The following DCUN1D2 variants were observed in gnomAD, a reference collection of about 807,000 sequenced individuals.
DCUN1D2 encodes the protein DCN1-like protein 2.
DCUN1D2 carries 29 observed loss-of-function variants against 30.9 expected under a neutral mutation model. The ratio of observed to expected loss-of-function variants is 0.94; its 90% CI spans 0.70 to 1.28. The LOEUF (loss-of-function observed/expected upper bound fraction) is 1.28. Among genes scored for constraint, DCUN1D2 ranks in the 50% most tolerant of loss-of-function variants. The probability of loss-of-function intolerance (pLI) is 0.00; values close to 1 mark genes in which losing one functional copy is unlikely to be tolerated. For synonymous variants in DCUN1D2, 121 were observed against 115.3 expected (o/e 1.05, Z -0.32); for missense variants, 325 against 316.9 (o/e 1.03, Z -0.19).
Position 113,484,038 on chromosome 13 carries a change from G to C in DCUN1D2, c.22C>G (p.Gln8Glu). The change falls in exon 2 of 7, where the codon CAG (glutamine) becomes GAG (glutamate). Residue 8 changes from glutamine to glutamate, a missense_variant. Physicochemically the swap from Gln to Glu is conservative, Grantham distance 29. Transcript: ENST00000478244. ...ATAAACTGGCGGACCTTGTCCTTCT[G>C]AGACGATTTAAGCTTATGCTTTGGG... MHKLKSS[Q>E]KDKVRQFMAC... 1 of 1,613,916 alleles carries C rather than the reference G, an allele frequency of 6.2e-7. No individual in the cohort carries two copies. The highest frequency in any genetic ancestry group is 1.1e-5 in the South Asian group (1 of 91,074).
chr13:113,489,835 C>T (rs1016236245), intron 1 of DCUN1D2, among the ~76,000 whole-genome samples: 4 of 152,116 alleles, frequency 2.6e-5, no homozygotes, highest in African/African-American at 9.7e-5. Context: ...ACACCACTCC[C>T]ACAGCCGCAT....
chr13:113,490,416 C>CT lies in DCUN1D2; in HGVS notation c.3+250_3+251insA. The CT allele has an allele frequency of 2.8e-6, 1 of 353,726 alleles. No homozygotes were observed. Among genetic ancestry groups the CT allele is most frequent in the Non-Finnish European group, 5.0e-6 (1 of 198,650 alleles). 21.9% of individuals were successfully genotyped at this position (353,726 alleles called of 1,614,324 possible). A position where few individuals can be genotyped will look rare whatever the true frequency, so the allele number is the denominator to read the frequency against. The stretch of plus-strand genomic sequence containing the variant: ...CAAGGCCCCTACAGTTCCTCCCGGC[C>CT]CCCGCCCTCCGCTCACTCCCGGTCG... On this transcript the variant is annotated intron_variant, in intron 1 of 6. Transcript: ENST00000478244. This position sits in a 1 kb window ranked among gnomAD's most constrained non-coding sequence, Gnocchi z 5.2.
intron 4 of DCUN1D2, 40 bp downstream of exon 4, chr13:113,474,084 T>C (rs2044569632): frequency 6.3e-7 from 1 of 1,596,978 alleles, no homozygotes; most frequent in Non-Finnish European, 8.6e-7. Flanking sequence ...GAAAACCTCA[T>C]TATGATCTGG....
At chr13:113,459,468 A>C (rs1362916477) in intron 5 of DCUN1D2, 60 bp from the exon 6 acceptor site, 3 of 778,276 alleles carry the variant, frequency 3.9e-6, no homozygotes, top group Non-Finnish European at 6.8e-6. Flanking sequence ...TAACTCTCAT[A>C]TATTCTAGTG....
Position 113,483,848 on chromosome 13 carries a change from C to G in DCUN1D2, c.212G>C (p.Arg71Thr). Residue 71 changes from arginine (R) to threonine (T), a missense_variant, in exon 2 of 7, where the codon AGG becomes ACG. Physicochemically the swap from Arg to Thr is moderately conservative, Grantham distance 71. Transcript: ENST00000478244. ...CTGCAGTCTCCTCTTACCTTTGTAC[C>G]TGCCGTACAGCCGCTCCAGCTTCTT... ...DKKKLERLYG[R>T]YKDPQDENKI... 1 of 1,612,338 alleles carries G rather than the reference C, an allele frequency of 6.2e-7. No individual in the cohort carries two copies.
chr13:113,489,882 C>T (rs1394273522), intron 1 of DCUN1D2, among the ~76,000 whole-genome samples: 2 of 152,112 alleles, frequency 1.3e-5, no homozygotes, highest in Admixed American at 6.5e-5. Context: ...TAGCCTTTGT[C>T]CCAACTGTGG....
Position 113,483,322 on chromosome 13 carries a change from C to T in DCUN1D2, c.220+518G>A, listed in dbSNP as rs116249582. The stretch of plus-strand genomic sequence containing the variant: ...AAAAGTTTCTTTGCTGCGAGCTTTT[C>T]CCAAAGCCTCTCTAATCACTGAAGC... On this transcript the variant is annotated intron_variant, in intron 2 of 6. Transcript: ENST00000478244. Among the ~76,000 whole-genome samples the T allele has an allele frequency of 3.7e-3, 559 of 152,292 alleles. 4 individuals carry two copies. The highest frequency in any genetic ancestry group is 0.013 in the African/African-American group (536 of 41,562).
rs1233586106 is a variant in DCUN1D2 at position 113,490,025 on chromosome 13, TA to T, written c.3+641del. Among the ~76,000 whole-genome samples the T allele has an allele frequency of 6.6e-6, 1 of 152,114 alleles. No individual in the cohort carries two copies. The highest frequency in any genetic ancestry group is 1.5e-5 in the Non-Finnish European group (1 of 68,012). On this transcript the variant is annotated intron_variant, in intron 1 of 6. Transcript: ENST00000478244. This position sits in a 1 kb window ranked among gnomAD's most constrained non-coding sequence, Gnocchi z 5.2. ...GGCCTCTGAACCGATGTGGACTGAA[TA>T]AATCCCATCCATCACCATTTCCACC...
At position 113,459,394 on chromosome 13, in the gene DCUN1D2, T is replaced by C; in HGVS notation, c.618A>G (p.Arg206=). ...WNTFLMEHHK[R]SIPRDTWNLL... ...GGTTCCAGGTGTCCCTTGGAATTGA[T>C]CTTTTGTGATGTTCCTAATATATGA... is the stretch of plus-strand genomic sequence containing the variant. The change falls in exon 6 of 7, where the codon AGA becomes AGG. Residue 206 remains arginine, a synonymous_variant. Coordinates refer to ENST00000478244, the MANE Select transcript of DCUN1D2 (RefSeq NM_001014283.2). The C allele has an allele frequency of 6.4e-7, 1 of 1,567,616 alleles. No individual in the cohort carries two copies. Among genetic ancestry groups the C allele is most frequent in the Non-Finnish European group, 8.8e-7 (1 of 1,137,720 alleles).
chr13:113,462,267 TTAAA>T (rs1221807405), intron 4 of DCUN1D2, among the ~76,000 whole-genome samples: 3 of 148,690 alleles, frequency 2.0e-5, no homozygotes, highest in African/African-American at 4.9e-5. Flanking sequence ...AAAAAAAAAA[TTAAA>T]TAAATAAATA....
intron 4 of DCUN1D2, among the ~76,000 whole-genome samples, chr13:113,466,907 C>T (rs1057492004): frequency 9.9e-5 from 15 of 150,858 alleles, no homozygotes; most frequent in African/African-American, 2.7e-4. Flanking sequence ...CCTGGGTTCA[C>T]GCCATTCTCC....
At chr13:113,460,496 G>A (rs2044301017) in intron 5 of DCUN1D2, among the ~76,000 whole-genome samples, 1 of 152,248 alleles carries the variant, frequency 6.6e-6, no homozygotes, top group Non-Finnish European at 1.5e-5. Flanking sequence ...AGACGGGCTG[G>A]CATGACGCAG....
intron 4 of DCUN1D2, among the ~76,000 whole-genome samples, chr13:113,463,735 T>C (rs1323893736): frequency 2.0e-5 from 3 of 151,842 alleles, no homozygotes; most frequent in East Asian, 3.9e-4. Flanking sequence ...CAGATACACA[T>C]AGACACACAC....
chr13:113,483,738 G>A, intron 2 of DCUN1D2, 102 bp downstream of exon 2: 1 of 1,173,988 alleles, frequency 8.5e-7, no homozygotes, highest in Non-Finnish European at 1.2e-6. Flanking sequence ...AGAAGCAACG[G>A]CAGCCCGGAG....
At chr13:113,461,286 T>C (rs1452460906) in intron 4 of DCUN1D2, 150 bp from the exon 5 acceptor site, 2 of 575,060 alleles carry the variant, frequency 3.5e-6, no homozygotes, top group Non-Finnish European at 6.1e-6. Context: ...ACGGAAGTGC[T>C]CCTGAGAACT....
chr13:113,465,138 G>T lies in DCUN1D2; in HGVS notation c.521-4002C>A, dbSNP rs150395408. 3.0e-3 allele frequency among the ~76,000 whole-genome samples: 463 copies of T among 152,270 alleles called. 4 individuals carry two copies. The highest frequency in any genetic ancestry group is 0.011 in the African/African-American group (443 of 41,552). On this transcript the variant is annotated intron_variant, in intron 4 of 6. Coordinates refer to ENST00000478244, the MANE Select transcript of DCUN1D2 (RefSeq NM_001014283.2). ...TAAATATAAATGATTATCTTTAATA[G>T]AAGCTGAGTTATCCTAAGATTATGC... is the stretch of plus-strand genomic sequence containing the variant.
intron 3 of DCUN1D2, among the ~76,000 whole-genome samples, chr13:113,474,801 T>C (rs1173652007): frequency 2.0e-5 from 3 of 152,224 alleles, no homozygotes; most frequent in African/African-American, 7.2e-5. Flanking sequence ...CCTGGGCCAC[T>C]GTTACCTCTG....
At chr13:113,487,538 GTCCAGCCACACGGTGCACGAC>G (rs981996645) in intron 1 of DCUN1D2, among the ~76,000 whole-genome samples, 1 of 152,116 alleles carries the variant, frequency 6.6e-6, no homozygotes, top group African/African-American at 2.4e-5. Context: ...CAGTGCACGA[GTCCAGCCACACGGTGCACGAC>G]TCCAGCCGCA....
At chr13:113,478,389 G>A (rs975908388) in intron 3 of DCUN1D2, among the ~76,000 whole-genome samples, 3 of 149,106 alleles carry the variant, frequency 2.0e-5, no homozygotes, top group Admixed American at 1.3e-4. Flanking sequence ...TTTCATCTAC[G>A]TACGTTACTT....
Sources: allele counts gnomAD v4.1 joint callset (sites outside exome capture counted in the v4.1 genomes callset), GRCh38; gene constraint gnomAD v4.1.1; non-coding constraint Gnocchi (gnomAD v3.1); transcripts MANE v1.5; gene names NCBI Gene and HGNC (gene_info 2026-07-23, HGNC 2026-07-21).